SCN2A: variants seen among roughly 807,000 people sequenced by gnomAD.
The protein encoded by SCN2A is sodium voltage-gated channel alpha subunit 2.
Under a neutral mutation model 188.7 loss-of-function variants are expected in SCN2A, and 20 were observed. The ratio of observed to expected loss-of-function variants is 0.11; its 90% confidence interval spans 0.07 to 0.15. The LOEUF (loss-of-function observed/expected upper bound fraction) is 0.15. SCN2A is among the 10% of genes least tolerant of loss of function. The pLI is 1.00. For missense variants in SCN2A, 1,278 were observed against 2,445.0 expected (o/e 0.52, Z 10.07); for synonymous variants, 804 against 833.1 (o/e 0.97, Z 0.60).
intron 1 of SCN2A, among the ~76,000 whole-genome samples, chr2:165,280,191 T>C (rs1293628492): frequency 6.6e-6 from 1 of 152,198 alleles, no homozygotes; most frequent in African/African-American, 2.4e-5. Context: ...TAATTTGTCT[T>C]GCAAGGCCTA....
chr2:165,247,596 A>G (rs1255379385), intron 1 of SCN2A, among the ~76,000 whole-genome samples: 1 of 152,126 alleles, frequency 6.6e-6, no homozygotes, highest in African/African-American at 2.4e-5. Flanking sequence ...CTCTTAGCTT[A>G]TTGTTCACTC....
At chr2:165,301,480 T>C (rs1025064005) in intron 3 of SCN2A, among the ~76,000 whole-genome samples, 4 of 152,226 alleles carry the variant, frequency 2.6e-5, no homozygotes, top group Non-Finnish European at 5.9e-5. Context: ...ATTCAAACCC[T>C]ATCTCTAAAA....
chr2:165,382,114 G>A (rs1305189358), intron 25 of SCN2A, among the ~76,000 whole-genome samples: 1 of 152,016 alleles, frequency 6.6e-6, no homozygotes, highest in East Asian at 1.9e-4. Flanking sequence ...AGAGAGAGAA[G>A]CAGAGAACAT....
intron 7 of SCN2A, among the ~76,000 whole-genome samples, chr2:165,311,796 T>C (rs964099506): frequency 6.6e-6 from 1 of 152,160 alleles, no homozygotes; most frequent in African/African-American, 2.4e-5. Flanking sequence ...AGTAATTCCT[T>C]CTGAACATTT....
chr2:165,303,785 T>C (rs1696971246), intron 3 of SCN2A, among the ~76,000 whole-genome samples: 1 of 152,182 alleles, frequency 6.6e-6, no homozygotes, highest in African/African-American at 2.4e-5. Context: ...GCAAAATTGT[T>C]CTTTTTATGT....
chr2:165,361,448 T>C (rs1700455541), intron 17 of SCN2A, among the ~76,000 whole-genome samples: 1 of 152,046 alleles, frequency 6.6e-6, no homozygotes. Flanking sequence ...ATCAAAAAGA[T>C]TCTTTAGAGA....
intron 22 of SCN2A, 29 bp downstream of exon 22, chr2:165,374,995 A>G: frequency 1.9e-6 from 3 of 1,596,064 alleles, no homozygotes; most frequent in East Asian, 4.5e-5. Context: ...ATTTTCCATG[A>G]TGTGTAATTA....
chr2:165,309,177 A>G (rs1272542621), intron 5 of SCN2A, 175 bp from the exon 6 acceptor site: 1 of 1,613,528 alleles, frequency 6.2e-7, no homozygotes, highest in South Asian at 1.1e-5. Flanking sequence ...ATGTAACAGA[A>G]TTTGTAAACC....
intron 14 of SCN2A, among the ~76,000 whole-genome samples, chr2:165,341,386 C>T (rs1559374489): frequency 6.6e-6 from 1 of 152,194 alleles, no homozygotes; most frequent in Non-Finnish European, 1.5e-5. Context: ...AGCCACCGCG[C>T]CCGGCCCACA....
chr2:165,315,623 A>G lies in SCN2A; in HGVS notation c.1536A>G (p.Glu512=), dbSNP rs201680546. The G allele has an allele frequency of 2.4e-5, 39 of 1,614,076 alleles. No individual in the cohort carries two copies. The Admixed American group carries it at 3.0e-4, about 12-fold the overall frequency. ...KNRRKKKKQK[E]QSGEEEKNDR... is the part of the protein sequence containing the mutation. ...GAAGAAAGAAAAAGAAACAGAAAGA[A>G]CAGTCTGGAGAAGAAGAGAAAAATG... is the stretch of plus-strand genomic sequence containing the variant. The change falls in exon 11 of 27, where the codon GAA becomes GAG. Residue 512 remains glutamate (E), a synonymous_variant. Transcript: ENST00000375437.
At chr2:165,350,095 T>C (rs187399663) in intron 16 of SCN2A, among the ~76,000 whole-genome samples, 1 of 152,286 alleles carries the variant, frequency 6.6e-6, no homozygotes, top group East Asian at 1.9e-4. Context: ...CCAGACACGA[T>C]GGCAAGAGAC....
chr2:165,386,032 G>A lies in SCN2A; in HGVS notation c.4552-714G>A, dbSNP rs552972905. ...AATAAAACAAATACATTTGAATACA[G>A]TTGAATATACAATATACAAAATTTT... On this transcript the variant is annotated intron_variant, in intron 25 of 26. Transcript: ENST00000375437. Among the ~76,000 whole-genome samples, 8 of 152,230 alleles carry A rather than the reference G, an allele frequency of 5.3e-5. No homozygotes were observed. The South Asian group carries it at 1.5e-3, about 28-fold the overall frequency.
intron 20 of SCN2A, 122 bp from the exon 21 acceptor site, chr2:165,373,103 C>A: frequency 1.9e-6 from 2 of 1,064,320 alleles, no homozygotes; most frequent in Non-Finnish European, 1.4e-6. Flanking sequence ...TTAACAAGAC[C>A]CCTGGGTGAT....
At chr2:165,319,805 C>T (rs1369136744) in intron 11 of SCN2A, among the ~76,000 whole-genome samples, 1 of 152,224 alleles carries the variant, frequency 6.6e-6, no homozygotes, top group African/African-American at 2.4e-5. Context: ...GACCAGGTCC[C>T]TCCCACAACA....
intron 19 of SCN2A, among the ~76,000 whole-genome samples, chr2:165,369,259 G>C (rs12467383): frequency 3.3e-5 from 5 of 152,094 alleles, no homozygotes; most frequent in African/African-American, 1.2e-4. Flanking sequence ...AGTAGAGAGA[G>C]AACTATGAAG....
chr2:165,379,592 G>A (rs1701492961), intron 23 of SCN2A, among the ~76,000 whole-genome samples: 1 of 151,604 alleles, frequency 6.6e-6, no homozygotes, highest in Non-Finnish European at 1.5e-5. Flanking sequence ...GCACTTTCCT[G>A]TATGTATATT....
At chr2:165,291,145 G>A (rs12612399) in intron 1 of SCN2A, among the ~76,000 whole-genome samples, 30,800 of 145,606 alleles carry the variant, frequency 0.21, 3,857 homozygotes, top group East Asian at 0.37. Context: ...GGGTTCAAGC[G>A]ATTCTCCTGC....
chr2:165,330,433 T>A (rs1698614326), intron 13 of SCN2A, among the ~76,000 whole-genome samples: 2 of 152,216 alleles, frequency 1.3e-5, no homozygotes, highest in Admixed American at 1.3e-4. Flanking sequence ...AATTTCAGTA[T>A]TTTGGGTGTG....
At position 165,277,508 on chromosome 2, in the gene SCN2A, C is replaced by T. The variant is rs58325972; in HGVS notation, c.-51-18265C>T. 2.6e-3 allele frequency among the ~76,000 whole-genome samples: 392 copies of T among 152,306 alleles called. 1 individual carries two copies. Among genetic ancestry groups the T allele is most frequent in the African/African-American group, 8.9e-3 (370 of 41,556 alleles). On this transcript the variant is annotated intron_variant, in intron 1 of 26. Transcript: ENST00000375437. Reference sequence around the variant, plus strand: ...TATATAGTTGCCTTATTTGGTCTATCTTGCTGAAAAGTTCCTACTTGTATT... The same window carrying T: ...TATATAGTTGCCTTATTTGGTCTATTTTGCTGAAAAGTTCCTACTTGTATT...
Sources: allele counts gnomAD v4.1 joint callset (sites outside exome capture counted in the v4.1 genomes callset), GRCh38; gene constraint gnomAD v4.1.1; transcripts MANE v1.5; gene names NCBI Gene and HGNC (gene_info 2026-07-23, HGNC 2026-07-21).